Variants in PLEK observed in about 807,000 individuals in gnomAD.
PLEK encodes pleckstrin, also known as platelet 47 kDa protein.
PLEK carries 25 observed loss-of-function variants against 43.9 expected under a neutral mutation model. That is an observed-to-expected ratio of 0.57 (90% confidence interval 0.41 to 0.79). The LOEUF is 0.79. Among genes scored for constraint, PLEK ranks in the 30% least tolerant of loss-of-function variants. PLEK has a pLI of 0.00. For missense variants in PLEK, 396 were observed against 413.3 expected (o/e 0.96, Z 0.36); for synonymous variants, 152 against 144.4 (o/e 1.05, Z -0.38).
At chr2:68,366,961 C>A (rs992742216) in intron 1 of PLEK, among the ~76,000 whole-genome samples, 3 of 152,006 alleles carry the variant, frequency 2.0e-5, no homozygotes, top group Non-Finnish European at 4.4e-5. Context: ...AATATGAAGA[C>A]TAAATTTCTA....
At chr2:68,374,085 C>A (rs560202081) in intron 1 of PLEK, among the ~76,000 whole-genome samples, 1 of 152,282 alleles carries the variant, frequency 6.6e-6, no homozygotes, top group South Asian at 2.1e-4. Flanking sequence ...CTCTCCCTAT[C>A]TCTGAATTTC....
rs190184848 is a variant in PLEK at position 68,395,546 on chromosome 2, G to A, written c.917-134G>A. ...ATTATCCTATAATCATACCTTGTTT[G>A]TATGTTTGAAAGCCACATAGTCAAT... On this transcript the variant is annotated intron_variant, in intron 8 of 8. Transcript: ENST00000234313. 2.1e-3 allele frequency: 1,792 copies of A among 854,504 alleles called. 3 individuals carry two copies. Among genetic ancestry groups the A allele is most frequent in the Admixed American group, 2.8e-3 (152 of 53,738 alleles). The allele number at this position is 854,504 out of a possible 1,614,324, so 52.9% of individuals were successfully genotyped here.
At chr2:68,392,573 A>G (rs934569535) in intron 6 of PLEK, among the ~76,000 whole-genome samples, 4 of 152,152 alleles carry the variant, frequency 2.6e-5, no homozygotes, top group African/African-American at 9.7e-5. Flanking sequence ...GGTCTTATTC[A>G]TCAACACCTG....
At chr2:68,379,650 C>T (rs1299302571) in intron 1 of PLEK, among the ~76,000 whole-genome samples, 6 of 151,818 alleles carry the variant, frequency 4.0e-5, no homozygotes, top group Admixed American at 1.3e-4. Flanking sequence ...GGTGTGAACC[C>T]GACATGAAAA....
chr2:68,384,593 G>C (rs1673699342), intron 4 of PLEK, among the ~76,000 whole-genome samples: 1 of 152,146 alleles, frequency 6.6e-6, no homozygotes, highest in African/African-American at 2.4e-5. Flanking sequence ...GCCTTCATGG[G>C]GGAGTCAGGT....
At chr2:68,369,412 C>T (rs1673347890) in intron 1 of PLEK, among the ~76,000 whole-genome samples, 1 of 151,976 alleles carries the variant, frequency 6.6e-6, no homozygotes, top group Non-Finnish European at 1.5e-5. Context: ...AGCACTGTCA[C>T]CATGATGAGG....
At chr2:68,378,959 C>A (rs901130807) in intron 1 of PLEK, among the ~76,000 whole-genome samples, 1 of 151,990 alleles carries the variant, frequency 6.6e-6, no homozygotes, top group Non-Finnish European at 1.5e-5. Context: ...GAAACCCCGT[C>A]TTTACTGAAA....
intron 3 of PLEK, 75 bp from the exon 4 acceptor site, chr2:68,382,467 T>G (rs1328516404): frequency 2.4e-6 from 2 of 836,252 alleles, no homozygotes; most frequent in African/African-American, 3.4e-5. Flanking sequence ...AACTTACCAT[T>G]CTGAAATGTT....
At position 68,397,349 on chromosome 2, in the gene PLEK, T is replaced by C. The variant is rs1402865260; in HGVS notation, c.*1533T>C. ...TTTTCTCTGATTCTTTAATAAATTA[T>C]CTTTATAGAATATGCACAAGTTTTT... is the stretch of plus-strand genomic sequence containing the variant. On this transcript the variant is annotated 3_prime_UTR_variant, in exon 9 of 9. Transcript: ENST00000234313. 6.6e-6 allele frequency: 1 copy of C among 152,206 alleles called. No individual in the cohort carries two copies. Among genetic ancestry groups the C allele is most frequent in the Non-Finnish European group, 1.5e-5 (1 of 68,050 alleles). 9.4% of individuals were successfully genotyped at this position (152,206 alleles called of 1,614,324 possible). A position where few individuals can be genotyped will look rare whatever the true frequency, so the allele number is the denominator to read the frequency against.
intron 6 of PLEK, among the ~76,000 whole-genome samples, chr2:68,392,696 T>C (rs1673884748): frequency 6.6e-6 from 1 of 152,264 alleles, no homozygotes; most frequent in African/African-American, 2.4e-5. Context: ...CAGGTCTTTA[T>C]GAGGCTTTCT....
At chr2:68,380,567 C>A in intron 2 of PLEK, 84 bp downstream of exon 2, 1 of 1,450,042 alleles carries the variant, frequency 6.9e-7, no homozygotes, top group Non-Finnish European at 9.5e-7. Context: ...GTGGGTGGTG[C>A]TCCTTGGGCT....
At chr2:68,390,864 A>T (rs1673844397) in intron 6 of PLEK, among the ~76,000 whole-genome samples, 1 of 152,224 alleles carries the variant, frequency 6.6e-6, no homozygotes, top group South Asian at 2.1e-4. Context: ...AGGATGAATG[A>T]TCTTAGATTA....
At position 68,395,868 on chromosome 2, in the gene PLEK, C is replaced by G; in HGVS notation, c.*52C>G. On this transcript the variant is annotated 3_prime_UTR_variant, in exon 9 of 9. Coordinates refer to ENST00000234313, the MANE Select transcript of PLEK (RefSeq NM_002664.3). ...CCTGAGGGAAGCCCATGGACAAGCT[C>G]AGTCCAGGACCTGTCCACTTCTGTG... is the stretch of plus-strand genomic sequence containing the variant. The G allele has an allele frequency of 6.6e-7, 1 of 1,514,486 alleles. No individual in the cohort carries two copies. Among genetic ancestry groups the G allele is most frequent in the Non-Finnish European group, 9.2e-7 (1 of 1,092,164 alleles). 93.8% of individuals were successfully genotyped at this position (1,514,486 alleles called of 1,614,324 possible).
intron 1 of PLEK, among the ~76,000 whole-genome samples, chr2:68,376,808 A>G (rs542024125): frequency 6.6e-6 from 1 of 152,272 alleles, no homozygotes; most frequent in South Asian, 2.1e-4. Context: ...TAAAATATAC[A>G]ATTAAGTTGG....
rs1002146742 is a variant in PLEK, at chr2:68,396,159, AAAT to A, written c.*344_*346del. 1 of 195,386 alleles carries A rather than the reference AAAT, an allele frequency of 5.1e-6. No individual in the cohort carries two copies. Among genetic ancestry groups the A allele is most frequent in the African/African-American group, 2.3e-5 (1 of 43,098 alleles). 12.1% of individuals were successfully genotyped at this position (195,386 alleles called of 1,614,324 possible). On this transcript the variant is annotated 3_prime_UTR_variant, in exon 9 of 9. Transcript: ENST00000234313. ...GGTCCCCCTAGCTTAAAAAAAAAAA[AAAT>A]CTGCCCCATGATTCTAACACTCGCA...
chr2:68,365,690 G>A, intron 1 of PLEK: 2 of 324,376 alleles, frequency 6.2e-6, no homozygotes, highest in Non-Finnish European at 6.0e-6. Context: ...TTTTTAAGAG[G>A]CACACAGATG....
chr2:68,377,993 G>A, intron 1 of PLEK, among the ~76,000 whole-genome samples: 1 of 152,108 alleles, frequency 6.6e-6, no homozygotes, highest in East Asian at 1.9e-4. Context: ...ACATATAGTT[G>A]GGTGGCAATA....
intron 6 of PLEK, among the ~76,000 whole-genome samples, chr2:68,392,288 G>A (rs998498444): frequency 1.3e-5 from 2 of 149,850 alleles, no homozygotes; most frequent in African/African-American, 5.1e-5. Flanking sequence ...CTAAGGTTTA[G>A]TTCCTAATGA....
intron 1 of PLEK, among the ~76,000 whole-genome samples, chr2:68,379,467 C>T (rs1170637944): frequency 6.6e-6 from 1 of 151,870 alleles, no homozygotes; most frequent in Admixed American, 6.6e-5. Flanking sequence ...GTATTTTTCT[C>T]CTCAAAATAG....
Sources: allele counts gnomAD v4.1 joint callset (sites outside exome capture counted in the v4.1 genomes callset), GRCh38; gene constraint gnomAD v4.1.1; transcripts MANE v1.5; gene names NCBI Gene and HGNC (gene_info 2026-07-23, HGNC 2026-07-21).